ABTB3: variants seen among roughly 807,000 people sequenced by gnomAD.
The protein encoded by ABTB3 is ankyrin repeat and BTB domain containing 3.
the ABTB3 span, among the ~76,000 whole-genome samples, chr12:107,449,822 T>C: frequency 6.6e-6 from 1 of 152,186 alleles, no homozygotes; most frequent in Admixed American, 6.5e-5. Context: ...ATTTTTTTTT[T>C]CATAGAGACA....
At chr12:107,421,628 T>C in the ABTB3 span, among the ~76,000 whole-genome samples, 1 of 152,230 alleles carries the variant, frequency 6.6e-6, no homozygotes, top group Non-Finnish European at 1.5e-5. Flanking sequence ...AAGCCACCTT[T>C]GACAGGGGTC....
chr12:107,492,803 G>A, the ABTB3 span, among the ~76,000 whole-genome samples: 1 of 152,082 alleles, frequency 6.6e-6, no homozygotes, highest in East Asian at 1.9e-4. Flanking sequence ...ACAGCCACAG[G>A]GAAAAACCTA....
At chr12:107,506,345 A>C in the ABTB3 span, among the ~76,000 whole-genome samples, 4 of 152,222 alleles carry the variant, frequency 2.6e-5, no homozygotes, top group Non-Finnish European at 5.9e-5. Context: ...TACTTAAAAA[A>C]ATACTGTAAG....
chr12:107,596,685 G>A, the ABTB3 span, among the ~76,000 whole-genome samples: 1 of 151,904 alleles, frequency 6.6e-6, no homozygotes, highest in Non-Finnish European at 1.5e-5. Flanking sequence ...ATGAGTCTTG[G>A]GATTGCATTG....
chr12:107,541,232 G>C, the ABTB3 span, among the ~76,000 whole-genome samples: 2 of 152,194 alleles, frequency 1.3e-5, no homozygotes, highest in African/African-American at 4.8e-5. Context: ...CTCTCACTTT[G>C]CCTCACTTAC....
chr12:107,441,027 C>G, the ABTB3 span, among the ~76,000 whole-genome samples: 1 of 152,204 alleles, frequency 6.6e-6, no homozygotes, highest in Non-Finnish European at 1.5e-5. Context: ...CGTCAGCCGA[C>G]TAGTTGAAAT....
At chr12:107,573,813 C>G in the ABTB3 span, among the ~76,000 whole-genome samples, 1 of 152,186 alleles carries the variant, frequency 6.6e-6, no homozygotes, top group Non-Finnish European at 1.5e-5. Context: ...TCCAACTGTT[C>G]GGATGAGGCC....
chr12:107,325,710 A>G, the ABTB3 span, among the ~76,000 whole-genome samples: 1 of 152,186 alleles, frequency 6.6e-6, no homozygotes, highest in Admixed American at 6.5e-5. Context: ...CAAACTCATT[A>G]TTACCAGACT....
chr12:107,514,371 C>T, the ABTB3 span, among the ~76,000 whole-genome samples: 1 of 150,160 alleles, frequency 6.7e-6, no homozygotes, highest in Admixed American at 6.6e-5. Context: ...ATGCACAACA[C>T]ACTCAAAGTA....
At chr12:107,540,748 C>T in the ABTB3 span, among the ~76,000 whole-genome samples, 1 of 152,150 alleles carries the variant, frequency 6.6e-6, no homozygotes, top group Admixed American at 6.5e-5. Flanking sequence ...CTTTGGGAGG[C>T]TGAGGCAGGA....
the ABTB3 span, among the ~76,000 whole-genome samples, chr12:107,448,848 G>A: frequency 6.6e-6 from 1 of 152,174 alleles, no homozygotes; most frequent in African/African-American, 2.4e-5. Context: ...TGGGATTATG[G>A]GCGTGAGCCA....
the ABTB3 span, among the ~76,000 whole-genome samples, chr12:107,539,627 C>G: frequency 1.3e-5 from 2 of 152,170 alleles, no homozygotes; most frequent in South Asian, 2.1e-4. Context: ...AGGACTACCC[C>G]TCTCTGTCCC....
the ABTB3 span, among the ~76,000 whole-genome samples, chr12:107,555,377 G>A: frequency 6.6e-6 from 1 of 152,186 alleles, no homozygotes; most frequent in African/African-American, 2.4e-5. Flanking sequence ...AATTGTTTCT[G>A]ACCACAGGTG....
the ABTB3 span, among the ~76,000 whole-genome samples, chr12:107,627,251 ATTCAGTTCTT>A: frequency 6.6e-6 from 1 of 151,776 alleles, no homozygotes; most frequent in Non-Finnish European, 1.5e-5. Context: ...CCCTCTCCTC[ATTCAGTTCTT>A]CACCATCCCT....
At chr12:107,434,727 G>T in the ABTB3 span, among the ~76,000 whole-genome samples, 3 of 152,214 alleles carry the variant, frequency 2.0e-5, no homozygotes, top group Admixed American at 2.0e-4. Flanking sequence ...AGCAGGTCAT[G>T]GTGGTGTTCA....
the ABTB3 span, among the ~76,000 whole-genome samples, chr12:107,469,019 C>T: frequency 6.6e-6 from 1 of 152,146 alleles, no homozygotes; most frequent in Non-Finnish European, 1.5e-5. Flanking sequence ...CAAAAGTAGG[C>T]AGGAAGACAA....
At chr12:107,410,986 C>T in the ABTB3 span, among the ~76,000 whole-genome samples, 1 of 152,130 alleles carries the variant, frequency 6.6e-6, no homozygotes, top group African/African-American at 2.4e-5. Flanking sequence ...AGCCACTAGC[C>T]ACGTGTAGTT....
chr12:107,578,383 CTTTTTTTTTTTTT>C, the ABTB3 span, among the ~76,000 whole-genome samples: 1,658 of 57,302 alleles, frequency 0.029, 61 homozygotes, highest in African/African-American at 0.1. Flanking sequence ...CTTTCTTCTT[CTTTTTTTTTTTTT>C]TTTTTTTTTT....
the ABTB3 span, among the ~76,000 whole-genome samples, chr12:107,471,921 G>A: frequency 6.6e-6 from 1 of 152,168 alleles, no homozygotes; most frequent in East Asian, 1.9e-4. Context: ...CCCCCATCAA[G>A]AGGCATAATC....
Sources: gnomAD v4.1 joint callset for allele counts (sites outside exome capture counted in the v4.1 genomes callset) on GRCh38, gnomAD v4.1.1 for gene constraint, MANE v1.5 for transcripts, NCBI Gene and HGNC (gene_info 2026-07-23, HGNC 2026-07-21) for gene names.